The following SYT1 variants were observed in gnomAD, a reference collection of about 807,000 sequenced individuals.
The protein encoded by SYT1 is synaptotagmin-1.
A neutral mutation model predicts 44.8 loss-of-function variants in SYT1; 8 were observed. The ratio of observed to expected loss-of-function variants is 0.18; its 90% CI spans 0.10 to 0.32. The LOEUF (loss-of-function observed/expected upper bound fraction) is 0.32. Among genes scored for constraint, SYT1 ranks in the 10% least tolerant of loss-of-function variants. The pLI is 1.00. For synonymous variants in SYT1, 154 were observed against 188.8 expected (o/e 0.82, Z 1.51); for missense variants, 286 against 509.3 (o/e 0.56, Z 4.22).
At chr12:79,008,260 A>C (rs765170019) in intron 2 of SYT1, among the ~76,000 whole-genome samples, 8 of 152,022 alleles carry the variant, frequency 5.3e-5, no homozygotes, top group Non-Finnish European at 1.0e-4. Context: ...CAAAAGTCCT[A>C]AGGCAAGAGT....
intron 3 of SYT1, 140 bp from the exon 4 acceptor site, chr12:79,217,363 C>A: frequency 1.5e-6 from 1 of 646,444 alleles, no homozygotes; most frequent in Non-Finnish European, 2.4e-6. Context: ...TTTACCAACA[C>A]AAAGCAATAT....
chr12:78,971,699 A>T (rs916821583), intron 1 of SYT1, among the ~76,000 whole-genome samples: 1 of 152,168 alleles, frequency 6.6e-6, no homozygotes, highest in Admixed American at 6.5e-5. Flanking sequence ...TTGTGATTCT[A>T]GAGGCAAATA....
At chr12:79,187,208 C>T (rs1036419626) in intron 3 of SYT1, among the ~76,000 whole-genome samples, 2 of 151,852 alleles carry the variant, frequency 1.3e-5, no homozygotes, top group African/African-American at 2.4e-5. Flanking sequence ...AATACACCAG[C>T]GAAGAATAAA....
At chr12:78,892,700 A>G (rs929550004) in intron 1 of SYT1, among the ~76,000 whole-genome samples, 1 of 151,836 alleles carries the variant, frequency 6.6e-6, no homozygotes, top group African/African-American at 2.4e-5. Context: ...AGTCAAGATT[A>G]ATTTGGAAAT....
chr12:79,133,764 G>T (rs2138188013), intron 3 of SYT1, among the ~76,000 whole-genome samples: 1 of 152,272 alleles, frequency 6.6e-6, no homozygotes, highest in Non-Finnish European at 1.5e-5. Flanking sequence ...TGATTATATT[G>T]TTGACAGAAA....
intron 3 of SYT1, among the ~76,000 whole-genome samples, chr12:79,171,968 G>A (rs940458051): frequency 2.6e-5 from 4 of 151,936 alleles, no homozygotes; most frequent in Non-Finnish European, 5.9e-5. Context: ...TGGATTTAAA[G>A]AGATCACTTA....
rs768705747 is a variant in SYT1 at position 78,922,365 on chromosome 12, C to A, written c.-216-55434C>A. Among the ~76,000 whole-genome samples the A allele has an allele frequency of 3.3e-5, 5 of 151,636 alleles. No individual in the cohort carries two copies. The South Asian group carries it at 1.0e-3, about 31-fold the overall frequency. Reference sequence around the variant, plus strand: ...GACCTCGCTTCAACCCTAGGCTTTGCCAGTTGTTGATTATTCAACTTTGGG... The same window carrying A: ...GACCTCGCTTCAACCCTAGGCTTTGACAGTTGTTGATTATTCAACTTTGGG... On this transcript the variant is annotated intron_variant, in intron 1 of 10. Transcript: ENST00000261205.
intron 3 of SYT1, among the ~76,000 whole-genome samples, chr12:79,187,590 A>G (rs1872875829): frequency 6.6e-6 from 1 of 152,104 alleles, no homozygotes; most frequent in Admixed American, 6.6e-5. Context: ...ATTTCATTGC[A>G]TATTCATGTA....
chr12:79,364,738 A>G (rs374108321), intron 9 of SYT1, among the ~76,000 whole-genome samples: 9 of 152,368 alleles, frequency 5.9e-5, no homozygotes, highest in Admixed American at 3.9e-4. Flanking sequence ...TCAGTCAACA[A>G]TATGACAGTG....
intron 2 of SYT1, among the ~76,000 whole-genome samples, chr12:79,027,334 A>G (rs1047632432): frequency 1.3e-5 from 2 of 151,470 alleles, no homozygotes; most frequent in African/African-American, 4.8e-5. Flanking sequence ...CTTCATAGCC[A>G]TTATTACTAC....
chr12:79,061,957 C>G (rs867360413), intron 3 of SYT1, among the ~76,000 whole-genome samples: 7 of 151,914 alleles, frequency 4.6e-5, no homozygotes, highest in African/African-American at 1.7e-4. Context: ...ATAGAACAAG[C>G]GAAGGAGAAG....
At chr12:78,921,339 G>T (rs555867331) in intron 1 of SYT1, among the ~76,000 whole-genome samples, 1 of 151,916 alleles carries the variant, frequency 6.6e-6, no homozygotes, top group African/African-American at 2.4e-5. Flanking sequence ...TGGTGAAACC[G>T]ATACTCAAGT....
chr12:79,092,382 G>A (rs1877836447), intron 3 of SYT1, among the ~76,000 whole-genome samples: 1 of 151,504 alleles, frequency 6.6e-6, no homozygotes, highest in South Asian at 2.1e-4. Flanking sequence ...TATTGTTATT[G>A]AAATAAGAAT....
chr12:78,958,088 CT>C (rs1397309048), intron 1 of SYT1, among the ~76,000 whole-genome samples: 6 of 152,166 alleles, frequency 3.9e-5, no homozygotes, highest in Admixed American at 3.9e-4. Context: ...TACTTTTCAT[CT>C]TTCTTTGTGA....
At chr12:79,351,332 G>A (rs1565921195) in intron 8 of SYT1, among the ~76,000 whole-genome samples, 1 of 152,138 alleles carries the variant, frequency 6.6e-6, no homozygotes, top group Admixed American at 6.5e-5. Flanking sequence ...ATTGGAAGAA[G>A]ACATTTGTGA....
chr12:78,958,176 G>A lies in SYT1; in HGVS notation c.-216-19623G>A, dbSNP rs1879309407. 2.6e-5 allele frequency among the ~76,000 whole-genome samples: 4 copies of A among 152,046 alleles called. No homozygotes were observed. In the South Asian group the frequency reaches 6.2e-4, roughly 24 times the overall value. On this transcript the variant is annotated intron_variant, in intron 1 of 10. Transcript: ENST00000261205. ...AATGGATTATGCTTCTGAAGCCCAGGTAGTTTCAAGCAACAGCACAAACAC... is the reference window on the plus strand; with the variant it reads ...AATGGATTATGCTTCTGAAGCCCAGATAGTTTCAAGCAACAGCACAAACAC...
chr12:78,978,695 C>G (rs1473457619), intron 2 of SYT1, among the ~76,000 whole-genome samples: 3 of 152,128 alleles, frequency 2.0e-5, no homozygotes, highest in Non-Finnish European at 4.4e-5. Context: ...TTTGGAGTCC[C>G]ATGCTACAGA....
At chr12:79,179,631 G>A (rs1872392411) in intron 3 of SYT1, among the ~76,000 whole-genome samples, 1 of 151,008 alleles carries the variant, frequency 6.6e-6, no homozygotes, top group African/African-American at 2.4e-5. Context: ...TGTGGGTCAG[G>A]CTGGTCTCAA....
At chr12:78,987,192 A>T (rs1869701786) in intron 2 of SYT1, among the ~76,000 whole-genome samples, 1 of 152,110 alleles carries the variant, frequency 6.6e-6, no homozygotes, top group Non-Finnish European at 1.5e-5. Flanking sequence ...CATTATGATC[A>T]GTACAAATGA....
Sources: allele counts gnomAD v4.1 joint callset (sites outside exome capture counted in the v4.1 genomes callset), GRCh38; gene constraint gnomAD v4.1.1; transcripts MANE v1.5; gene names NCBI Gene and HGNC (gene_info 2026-07-23, HGNC 2026-07-21).